The following RERE variants were observed in gnomAD, a reference collection of about 807,000 sequenced individuals.
RERE encodes arginine-glutamic acid dipeptide repeats protein.
Under a neutral mutation model 146.1 loss-of-function variants are expected in RERE, and 40 were observed. The ratio of observed to expected loss-of-function variants is 0.27; its 90% CI spans 0.21 to 0.36. The LOEUF (loss-of-function observed/expected upper bound fraction) is 0.36, where lower values mean the gene tolerates loss of function less well. Ranked by LOEUF, RERE falls within the 10% of genes least tolerant of loss-of-function variation. The pLI, the probability that RERE is intolerant of heterozygous loss-of-function variation, is 1.00. For synonymous variants in RERE, 1,003 were observed against 866.0 expected (o/e 1.16, Z -2.78); for missense variants, 1,933 against 2,138.7 (o/e 0.90, Z 1.90).
chr1:8,409,971 ATTTTTTTTTTTTTTT>A (rs57424627), intron 12 of RERE, among the ~76,000 whole-genome samples: 1 of 95,390 alleles, frequency 1.0e-5, no homozygotes, highest in African/African-American at 4.1e-5. Context: ...CAATCAGGCA[ATTTTTTTTTTTTTTT>A]TTTTTTTTTT....
intron 7 of RERE, among the ~76,000 whole-genome samples, chr1:8,527,982 C>T (rs527532120): frequency 6.6e-6 from 1 of 152,320 alleles, no homozygotes; most frequent in South Asian, 2.1e-4. Context: ...GGGAACTGCA[C>T]CTCTCTTATT....
intron 11 of RERE, among the ~76,000 whole-genome samples, chr1:8,462,254 T>C (rs1004675484): frequency 3.9e-5 from 6 of 152,240 alleles, no homozygotes; most frequent in African/African-American, 1.4e-4. Context: ...AAGCCTCTCA[T>C]ATGGAGAGAA....
At chr1:8,439,055 C>T (rs1399959200) in intron 11 of RERE, among the ~76,000 whole-genome samples, 2 of 152,142 alleles carry the variant, frequency 1.3e-5, no homozygotes, top group East Asian at 1.9e-4. Flanking sequence ...GCTGGAGAAG[C>T]GCTGGCCACG....
At chr1:8,683,031 C>CAAAA (rs71580039) in intron 1 of RERE, among the ~76,000 whole-genome samples, 730 of 65,480 alleles carry the variant, frequency 0.011, 14 homozygotes, top group East Asian at 0.013. Flanking sequence ...CTGTCTTTAC[C>CAAAA]AAAAAAAAAA....
chr1:8,741,161 G>A (rs563973945), intron 1 of RERE, among the ~76,000 whole-genome samples: 5 of 152,232 alleles, frequency 3.3e-5, no homozygotes, highest in Admixed American at 6.5e-5. Flanking sequence ...TAATCTCATG[G>A]AACCACTGTC....
intron 2 of RERE, among the ~76,000 whole-genome samples, chr1:8,629,123 AT>A (rs1166861218): frequency 1.3e-5 from 2 of 152,210 alleles, no homozygotes; most frequent in Non-Finnish European, 2.9e-5. Context: ...CATGCCTGTA[AT>A]GGGCCAGAAA....
intron 3 of RERE, among the ~76,000 whole-genome samples, chr1:8,621,153 T>A (rs1646911446): frequency 6.6e-6 from 1 of 152,082 alleles, no homozygotes; most frequent in African/African-American, 2.4e-5. Context: ...CAAGACATTT[T>A]TGAGAGTGAA....
At chr1:8,372,836 G>A (rs572288022) in intron 12 of RERE, among the ~76,000 whole-genome samples, 4 of 152,318 alleles carry the variant, frequency 2.6e-5, no homozygotes, top group African/African-American at 9.6e-5. Flanking sequence ...TGTGCCACTA[G>A]TGAGGGTCAG....
intron 1 of RERE, among the ~76,000 whole-genome samples, chr1:8,801,721 G>C (rs1351836759): frequency 2.0e-5 from 3 of 152,138 alleles, no homozygotes. Flanking sequence ...ATCTTTGGGG[G>C]CAATTTATTT....
At position 8,423,464 on chromosome 1, in the gene RERE, G is replaced by A. The variant is rs1336091878; in HGVS notation, c.1204-657C>T. The A allele has an allele frequency of 1.1e-6, 1 of 876,220 alleles. No individual in the cohort carries two copies. The allele number at this position is 876,220 out of a possible 1,614,324, so 54.3% of individuals were successfully genotyped here. A position where few individuals can be genotyped will look rare whatever the true frequency, so the allele number is the denominator to read the frequency against. ...CCCCATCCATTTTCGCAGCAGACTCGTCCCTAACCCCAGCCCGGAGACTTT... is the reference window on the plus strand; with the variant it reads ...CCCCATCCATTTTCGCAGCAGACTCATCCCTAACCCCAGCCCGGAGACTTT... On this transcript the variant is annotated intron_variant, in intron 11 of 22. Coordinates refer to ENST00000400908, the MANE Select transcript of RERE (RefSeq NM_001042681.2). The surrounding 1 kb of genome is among the most constrained non-coding windows in gnomAD (Gnocchi z 5.4).
At chr1:8,635,427 A>G (rs540310235) in intron 2 of RERE, among the ~76,000 whole-genome samples, 60 of 152,366 alleles carry the variant, frequency 3.9e-4, no homozygotes, top group South Asian at 8.3e-4. Flanking sequence ...CTTGATTCCT[A>G]AAATGAGACG....
At position 8,365,926 on chromosome 1, in the gene RERE, C is replaced by T; in HGVS notation, c.1333G>A (p.Ala445Thr). The T allele has an allele frequency of 6.2e-7, 1 of 1,614,062 alleles. No homozygotes were observed. The highest frequency in any genetic ancestry group is 8.5e-7 in the Non-Finnish European group (1 of 1,180,032). ...YYYWKKTPEA[A>T]SSRAHRRHRR... ...TGCCTACGATGGGCTCGGGAGCTGG[C>T]TGCTTCGGGGGTCTTCTTCCAATAG... is the stretch of plus-strand genomic sequence containing the variant. Residue 445 changes from alanine (A) to threonine (T), a missense_variant, in exon 13 of 23, where the codon GCC (alanine) becomes ACC (threonine). Physicochemically the swap from Ala to Thr is moderately conservative, Grantham distance 58. This residue lies in a region of RERE where 260 missense variants were observed against 378.4 expected (regional missense o/e 0.69). Coordinates refer to ENST00000400908, the MANE Select transcript of RERE (RefSeq NM_001042681.2).
chr1:8,366,005 G>A, intron 12 of RERE, 31 bp from the exon 13 acceptor site: 4 of 1,606,836 alleles, frequency 2.5e-6, no homozygotes, highest in Non-Finnish European at 3.4e-6. Context: ...CTGTGGGGGA[G>A]GGCCTGGGGC....
intron 4 of RERE, among the ~76,000 whole-genome samples, chr1:8,577,379 T>TA (rs1449981736): frequency 6.6e-6 from 1 of 152,172 alleles, no homozygotes; most frequent in Non-Finnish European, 1.5e-5. Context: ...TTCCAGTGGA[T>TA]AGATGGTGTC....
chr1:8,485,825 A>T, intron 10 of RERE, among the ~76,000 whole-genome samples: 1 of 132,054 alleles, frequency 7.6e-6, no homozygotes, highest in African/African-American at 2.9e-5. Flanking sequence ...TTGGAGATGG[A>T]GTCTCGCTCT....
intron 7 of RERE, among the ~76,000 whole-genome samples, chr1:8,522,277 C>G (rs1010407240): frequency 5.9e-5 from 9 of 152,184 alleles, no homozygotes; most frequent in Non-Finnish European, 1.3e-4. Flanking sequence ...TATTTTCTAC[C>G]TTCTCTCTCA....
At chr1:8,766,576 AAG>A (rs561437590) in intron 1 of RERE, among the ~76,000 whole-genome samples, 3 of 151,432 alleles carry the variant, frequency 2.0e-5, no homozygotes, top group Admixed American at 6.6e-5. Flanking sequence ...AAAGAAAAAA[AAG>A]AGAGAGAGAG....
intron 15 of RERE, 33 bp from the exon 16 acceptor site, chr1:8,362,877 G>C (rs747091156): frequency 1.0e-5 from 16 of 1,588,716 alleles, no homozygotes; most frequent in Non-Finnish European, 1.4e-5. Flanking sequence ...GGTGACACCA[G>C]ATTCCCAGTC....
intron 1 of RERE, among the ~76,000 whole-genome samples, chr1:8,744,852 A>G (rs950709541): frequency 6.6e-6 from 1 of 152,246 alleles, no homozygotes; most frequent in Non-Finnish European, 1.5e-5. Flanking sequence ...ACAAATGCCC[A>G]TAGTCTAAAA....
Sources: allele counts gnomAD v4.1 joint callset (sites outside exome capture counted in the v4.1 genomes callset), GRCh38; gene constraint gnomAD v4.1.1; regional missense constraint gnomAD v4.1.1; non-coding constraint Gnocchi (gnomAD v3.1); transcripts MANE v1.5; gene names NCBI Gene and HGNC (gene_info 2026-07-23, HGNC 2026-07-21).